Variants in FBLN7 observed in about 807,000 individuals in gnomAD.
FBLN7 encodes fibulin 7.
FBLN7 carries 31 observed loss-of-function variants against 44.0 expected under a neutral mutation model. That is an observed-to-expected ratio of 0.70 (90% CI 0.53 to 0.95). The LOEUF is 0.95. Among genes scored for constraint, FBLN7 ranks in the 40% least tolerant of loss-of-function variants. The pLI, the probability that FBLN7 is intolerant of heterozygous loss-of-function variation, is 0.00. For missense variants in FBLN7, 573 were observed against 618.5 expected (o/e 0.93, Z 0.78); for synonymous variants, 262 against 253.4 (o/e 1.03, Z -0.32).
At chr2:112,177,579 A>G (rs972299382) in intron 4 of FBLN7, 1 of 152,230 alleles carries the variant, frequency 6.6e-6, no homozygotes, top group Non-Finnish European at 1.5e-5. Context: ...TTTTAACTGT[A>G]CAGCTCAGTG....
At chr2:112,210,633 G>C in the FBLN7 span, among the ~76,000 whole-genome samples, 94 of 138,218 alleles carry the variant, frequency 6.8e-4, no homozygotes, top group Non-Finnish European at 1.1e-3. Context: ...TCCAGCCTGC[G>C]TGACAGAGTG....
At chr2:112,197,266 CACACACACAGAGAGAGAGAGAGAG>C in the FBLN7 span, among the ~76,000 whole-genome samples, 5 of 130,094 alleles carry the variant, frequency 3.8e-5, no homozygotes, top group African/African-American at 1.5e-4. Flanking sequence ...CACACACACA[CACACACACAGAGAGAGAGAGAGAG>C]AGAGAGAGAG....
intron 1 of FBLN7, among the ~76,000 whole-genome samples, chr2:112,140,362 C>T (rs533151519): frequency 2.0e-5 from 3 of 152,326 alleles, no homozygotes; most frequent in South Asian, 2.1e-4. Flanking sequence ...TCCCCTGTCC[C>T]GCGCGCAGGG....
intron 3 of FBLN7, among the ~76,000 whole-genome samples, chr2:112,166,501 A>G (rs1236160238): frequency 2.0e-5 from 3 of 152,162 alleles, no homozygotes; most frequent in African/African-American, 7.2e-5. Context: ...TGACCCCTGG[A>G]AAGAGTGATG....
At chr2:112,197,428 A>G in the FBLN7 span, among the ~76,000 whole-genome samples, 19 of 152,118 alleles carry the variant, frequency 1.2e-4, no homozygotes, top group Admixed American at 1.2e-3. Flanking sequence ...AAGATAAGGA[A>G]GGATCATTCC....
chr2:112,215,920 G>A, the FBLN7 span: 1 of 152,098 alleles, frequency 6.6e-6, no homozygotes, highest in Non-Finnish European at 1.5e-5. Context: ...TAAGAAACTG[G>A]AAACAAATGT....
chr2:112,174,733 G>A (rs905332410), intron 3 of FBLN7, among the ~76,000 whole-genome samples: 7 of 151,902 alleles, frequency 4.6e-5, no homozygotes, highest in East Asian at 1.9e-4. Context: ...TTTTTGAGAC[G>A]GAGTCTCATT....
In FBLN7 at chr2:112,165,131, TC is replaced by T. The variant is rs1156808075; in HGVS notation, c.369del (p.Asn124MetfsTer29). ...LVGPSSVVCL[P>X]NGTWTGEQPH... Reference sequence around the variant, plus strand: ...TCGGGCCCAGCAGCGTGGTGTGTCTTCCCAATGGCACCTGGACAGGGGAGCA... The same window carrying T: ...TCGGGCCCAGCAGCGTGGTGTGTCTTCCAATGGCACCTGGACAGGGGAGCA... On this transcript the variant is annotated frameshift_variant, in exon 3 of 8. Coordinates refer to ENST00000331203, the MANE Select transcript of FBLN7 (RefSeq NM_153214.3). LOFTEE classifies it high-confidence loss of function. 6.2e-7 allele frequency: 1 copy of T among 1,614,170 alleles called. No individual in the cohort carries two copies. The highest frequency in any genetic ancestry group is 8.5e-7 in the Non-Finnish European group (1 of 1,180,016).
intron 6 of FBLN7, 34 bp from the exon 7 acceptor site, chr2:112,185,167 G>A: frequency 1.3e-6 from 2 of 1,595,790 alleles, no homozygotes; most frequent in South Asian, 1.1e-5. Context: ...GAAGGTCAGG[G>A]CGATTCTCAC....
chr2:112,225,241 T>TAA, the FBLN7 span, among the ~76,000 whole-genome samples: 1 of 149,000 alleles, frequency 6.7e-6, no homozygotes, highest in African/African-American at 2.5e-5. Flanking sequence ...AGTTAATTGT[T>TAA]AAAAAAAAAA....
At chr2:112,190,598 A>G (rs958041638), downstream of FBLN7, 1 of 152,196 alleles carries the variant, frequency 6.6e-6, no homozygotes, top group Non-Finnish European at 1.5e-5. Flanking sequence ...TATCATCTGT[A>G]TTAATAGTAA....
intron 6 of FBLN7, among the ~76,000 whole-genome samples, chr2:112,183,580 T>C (rs558785488): frequency 4.1e-4 from 62 of 152,230 alleles, no homozygotes; most frequent in African/African-American, 1.5e-3. Context: ...AGGTCAGGAC[T>C]CCTCAGGCTG....
the FBLN7 span, chr2:112,233,403 T>C: frequency 1.5e-6 from 2 of 1,355,280 alleles, no homozygotes; most frequent in East Asian, 4.8e-5. Flanking sequence ...GGAAAAGCCA[T>C]TATTTCTCAT....
At chr2:112,149,908 T>G (rs1268635943) in intron 1 of FBLN7, among the ~76,000 whole-genome samples, 5 of 152,192 alleles carry the variant, frequency 3.3e-5, no homozygotes, top group Non-Finnish European at 7.3e-5. Context: ...GACACCAGAA[T>G]CTCTCAAAGG....
the FBLN7 span, among the ~76,000 whole-genome samples, chr2:112,197,445 C>A: frequency 6.6e-6 from 1 of 152,130 alleles, no homozygotes; most frequent in Non-Finnish European, 1.5e-5. Flanking sequence ...TTCCCTGCAG[C>A]CTTTGGAGGA....
intron 1 of FBLN7, among the ~76,000 whole-genome samples, chr2:112,144,650 G>T (rs112165031): frequency 7.3e-5 from 11 of 151,230 alleles, no homozygotes; most frequent in African/African-American, 2.7e-4. Context: ...TCAGCCTTCC[G>T]TGAGTAGCTG....
chr2:112,192,064 G>C (rs1683509103), downstream of FBLN7, among the ~76,000 whole-genome samples: 1 of 152,054 alleles, frequency 6.6e-6, no homozygotes. Flanking sequence ...AATATTGGCT[G>C]TCACTCCATA....
the FBLN7 span, chr2:112,213,997 G>C: frequency 7.0e-6 from 1 of 143,126 alleles, no homozygotes; most frequent in Non-Finnish European, 1.5e-5. Flanking sequence ...CCAGGCTGGA[G>C]TGCAGTGGTG....
At chr2:112,158,705 C>T in intron 1 of FBLN7, among the ~76,000 whole-genome samples, 1 of 152,036 alleles carries the variant, frequency 6.6e-6, no homozygotes, top group Non-Finnish European at 1.5e-5. Context: ...TCCCAAAGTG[C>T]TAGGATTACA....
Sources: allele counts gnomAD v4.1 joint callset (sites outside exome capture counted in the v4.1 genomes callset), GRCh38; gene constraint gnomAD v4.1.1; transcripts MANE v1.5; gene names NCBI Gene and HGNC (gene_info 2026-07-23, HGNC 2026-07-21).